Variants in TOP6BL observed in about 807,000 individuals in gnomAD.
TOP6BL encodes type 2 DNA topoisomerase 6 subunit B-like.
the TOP6BL span, chr11:66,843,086 C>T: frequency 1.9e-6 from 3 of 1,584,678 alleles, no homozygotes; most frequent in Admixed American, 1.8e-5. Context: ...GGGCGAGGGC[C>T]GCGCAGGGAA....
the TOP6BL span, among the ~76,000 whole-genome samples, chr11:66,753,563 C>A: frequency 6.6e-6 from 1 of 151,792 alleles, no homozygotes; most frequent in Non-Finnish European, 1.5e-5. Context: ...CCTGCCACCA[C>A]GCCCGGCTAA....
chr11:66,754,443 C>T, the TOP6BL span, among the ~76,000 whole-genome samples: 23 of 152,088 alleles, frequency 1.5e-4, no homozygotes, highest in East Asian at 1.3e-3. Flanking sequence ...GTTCTTGTTT[C>T]CCTTGTATTG....
the TOP6BL span, among the ~76,000 whole-genome samples, chr11:66,763,253 G>C: frequency 6.6e-6 from 1 of 152,160 alleles, no homozygotes. Context: ...GAAGTGATCA[G>C]ATGTATTCCC....
the TOP6BL span, among the ~76,000 whole-genome samples, chr11:66,774,540 G>A: frequency 3.3e-5 from 5 of 152,092 alleles, no homozygotes; most frequent in South Asian, 2.1e-4. Flanking sequence ...TGCAAGCTCC[G>A]CCTCCTGGGT....
chr11:66,795,142 A>AAT, the TOP6BL span, among the ~76,000 whole-genome samples: 89 of 150,728 alleles, frequency 5.9e-4, no homozygotes, highest in African/African-American at 1.1e-3. Context: ...CTCAAAAAAA[A>AAT]ATATATATAT....
chr11:66,842,875 A>G, the TOP6BL span: 1 of 1,573,330 alleles, frequency 6.4e-7, no homozygotes, highest in South Asian at 1.2e-5. Flanking sequence ...AGAAAACAAG[A>G]GGCTCAAGAG....
chr11:66,812,419 G>T, the TOP6BL span, among the ~76,000 whole-genome samples: 1 of 151,958 alleles, frequency 6.6e-6, no homozygotes, highest in Non-Finnish European at 1.5e-5. Flanking sequence ...CTCATGATCC[G>T]CCCACCTCAG....
At chr11:66,843,093 G>A in the TOP6BL span, 7 of 1,589,976 alleles carry the variant, frequency 4.4e-6, no homozygotes, top group South Asian at 1.1e-5. Context: ...GGCCGCGCAG[G>A]GAAGGGCTCA....
the TOP6BL span, among the ~76,000 whole-genome samples, chr11:66,762,761 G>A: frequency 3.3e-5 from 5 of 152,230 alleles, no homozygotes; most frequent in Non-Finnish European, 5.9e-5. Context: ...GAGCCACCGC[G>A]CCCGGCCAAT....
At chr11:66,750,158 T>C in the TOP6BL span, among the ~76,000 whole-genome samples, 1 of 152,190 alleles carries the variant, frequency 6.6e-6, no homozygotes, top group Non-Finnish European at 1.5e-5. Flanking sequence ...ACCAGTACTT[T>C]GTGGGCAGCA....
At chr11:66,750,367 A>G in the TOP6BL span, among the ~76,000 whole-genome samples, 1 of 152,010 alleles carries the variant, frequency 6.6e-6, no homozygotes, top group Non-Finnish European at 1.5e-5. Context: ...TCCAAAATGG[A>G]GAAACCCTGT....
the TOP6BL span, chr11:66,843,442 C>A: frequency 2.2e-6 from 3 of 1,382,294 alleles, no homozygotes; most frequent in Non-Finnish European, 2.8e-6. Context: ...GTGCGCGCCG[C>A]GGGTCAGGGC....
chr11:66,829,068 CAAAAAAA>C, the TOP6BL span, among the ~76,000 whole-genome samples: 4 of 33,114 alleles, frequency 1.2e-4, no homozygotes, highest in East Asian at 1.4e-3. Flanking sequence ...GCCTCTGTCT[CAAAAAAA>C]AAAAAAAAAA....
the TOP6BL span, among the ~76,000 whole-genome samples, chr11:66,842,189 C>T: frequency 6.6e-6 from 1 of 152,186 alleles, no homozygotes; most frequent in Admixed American, 6.5e-5. Flanking sequence ...GGCAACAGAG[C>T]AAGACCTTGT....
chr11:66,827,265 G>T, the TOP6BL span, among the ~76,000 whole-genome samples: 4 of 151,862 alleles, frequency 2.6e-5, no homozygotes, highest in East Asian at 7.8e-4. Flanking sequence ...GGTCAGGCTG[G>T]TGTCAAACTC....
At chr11:66,749,700 T>G in the TOP6BL span, among the ~76,000 whole-genome samples, 1 of 152,114 alleles carries the variant, frequency 6.6e-6, no homozygotes, top group African/African-American at 2.4e-5. Flanking sequence ...TAGCTGAGAT[T>G]ACAGGCAGCT....
the TOP6BL span, among the ~76,000 whole-genome samples, chr11:66,797,798 A>G: frequency 6.8e-4 from 103 of 152,126 alleles, 2 homozygotes; most frequent in East Asian, 0.019. Flanking sequence ...AGCCATCATC[A>G]TGCCTGGCCA....
At chr11:66,796,209 A>C in the TOP6BL span, 2 of 1,156,160 alleles carry the variant, frequency 1.7e-6, no homozygotes, top group African/African-American at 1.5e-5. Flanking sequence ...TAGAAGAGGA[A>C]ATACCGTTTT....
At chr11:66,753,348 G>T in the TOP6BL span, among the ~76,000 whole-genome samples, 1 of 151,894 alleles carries the variant, frequency 6.6e-6, no homozygotes, top group Non-Finnish European at 1.5e-5. Context: ...ACTTTTATGG[G>T]GTAGGCTCGG....
Sources: allele counts gnomAD v4.1 joint callset (sites outside exome capture counted in the v4.1 genomes callset), GRCh38; gene constraint gnomAD v4.1.1; transcripts MANE v1.5; gene names NCBI Gene and HGNC (gene_info 2026-07-23, HGNC 2026-07-21).